Variants in DOCK7 observed in about 807,000 individuals in gnomAD.
The protein encoded by DOCK7 is dedicator of cytokinesis 7.
A neutral mutation model predicts 271.0 loss-of-function variants in DOCK7; 138 were observed. The ratio of observed to expected loss-of-function variants is 0.51; its 90% CI spans 0.44 to 0.59. DOCK7 has a LOEUF of 0.59. Ranked by LOEUF, DOCK7 falls within the 20% of genes least tolerant of loss-of-function variation. The pLI is 0.00. For missense variants in DOCK7, 2,066 were observed against 2,592.4 expected, an observed-to-expected ratio of 0.80 and a Z score of 4.41; for synonymous variants, 823 against 876.1, an observed-to-expected ratio of 0.94 and a Z score of 1.07.
intron 14 of DOCK7, among the ~76,000 whole-genome samples, chr1:62,596,232 T>G (rs2149521680): frequency 6.6e-6 from 1 of 152,198 alleles, no homozygotes; most frequent in Admixed American, 6.6e-5. Flanking sequence ...TACCCCAGCT[T>G]TACAGATGAG....
At chr1:62,615,803 T>A (rs1469450140) in intron 14 of DOCK7, among the ~76,000 whole-genome samples, 2 of 151,782 alleles carry the variant, frequency 1.3e-5, no homozygotes, top group Non-Finnish European at 3.0e-5. Context: ...ATTAATAGAA[T>A]GTCTAGATAC....
At chr1:62,602,807 C>T (rs72641123) in intron 14 of DOCK7, among the ~76,000 whole-genome samples, 1 of 151,404 alleles carries the variant, frequency 6.6e-6, no homozygotes, top group Non-Finnish European at 1.5e-5. Flanking sequence ...GAAACTCAGA[C>T]ATACAGTATA....
At chr1:62,460,087 A>G (rs571515537) in intron 48 of DOCK7, among the ~76,000 whole-genome samples, 125 of 132,192 alleles carry the variant, frequency 9.5e-4, no homozygotes, top group Middle Eastern at 3.9e-3. Context: ...GTGACAGAGC[A>G]AGACTCGTCT....
Position 62,561,721 on chromosome 1 carries a change from T to G in DOCK7, c.2113-18A>C. 3 of 1,426,306 alleles carry G rather than the reference T, an allele frequency of 2.1e-6. No individual in the cohort carries two copies. The highest frequency in any genetic ancestry group is 1.9e-6 in the Non-Finnish European group (2 of 1,080,188). 88.4% of individuals were successfully genotyped at this position (1,426,306 alleles called of 1,614,324 possible). On this transcript the variant is annotated intron_variant, in intron 18 of 49. Transcript: ENST00000635253. ...AGAGGAACCTGTAAGATATTAAATA[T>G]AATGATCACAGATGCTTAAGTAGAT... is the stretch of plus-strand genomic sequence containing the variant.
chr1:62,600,102 T>C (rs561546327), intron 14 of DOCK7, among the ~76,000 whole-genome samples: 111 of 152,010 alleles, frequency 7.3e-4, no homozygotes, highest in African/African-American at 2.6e-3. Context: ...CTTCTTATGA[T>C]GTTATTATTC....
intron 48 of DOCK7, chr1:62,458,164 TGTG>T: frequency 6.2e-6 from 1 of 160,284 alleles, no homozygotes; most frequent in Admixed American, 6.1e-5. Flanking sequence ...TGGGTGTGTG[TGTG>T]TGTGTGTGTG....
chr1:62,576,178 T>C (rs2149479013), intron 18 of DOCK7, among the ~76,000 whole-genome samples: 1 of 152,350 alleles, frequency 6.6e-6, no homozygotes, highest in South Asian at 2.1e-4. Context: ...TCATAGTGTT[T>C]ATACTCTATA....
At chr1:62,489,089 A>G in intron 41 of DOCK7, 24 bp from the exon 42 acceptor site, 1 of 1,543,296 alleles carries the variant, frequency 6.5e-7, no homozygotes, top group Middle Eastern at 2.0e-4. Context: ...TTTTGTTAAG[A>G]TGTTGCTTTC....
At chr1:62,567,143 T>C (rs1362883307) in intron 18 of DOCK7, among the ~76,000 whole-genome samples, 1 of 152,200 alleles carries the variant, frequency 6.6e-6, no homozygotes. Context: ...GTGTGGTGAT[T>C]CCTCAAGGAT....
At chr1:62,641,610 C>T (rs1054319351) in intron 7 of DOCK7, 12 of 469,000 alleles carry the variant, frequency 2.6e-5, no homozygotes, top group African/African-American at 1.6e-4. Flanking sequence ...TGGATGCCCT[C>T]GCAACACATG....
rs117649068 is a variant in DOCK7 at position 62,686,983 on chromosome 1, T to A, written c.38+1244A>T. Among the ~76,000 whole-genome samples, 175 of 152,224 alleles carry A rather than the reference T, an allele frequency of 1.1e-3. 4 individuals are homozygous for A. In the East Asian group the frequency reaches 0.031, roughly 27 times the overall value. On this transcript the variant is annotated intron_variant, in intron 1 of 49. Transcript: ENST00000635253. ...GATGGGGTGGGGGGGACTCGCTATG[T>A]TGCCCAGGCTGGTCTTGAACTCCTG...
At chr1:62,563,602 T>C (rs1276274915) in intron 18 of DOCK7, among the ~76,000 whole-genome samples, 1 of 151,488 alleles carries the variant, frequency 6.6e-6, no homozygotes, top group African/African-American at 2.4e-5. Context: ...GTATAGAAAA[T>C]AAAACCAAAT....
intron 15 of DOCK7, 119 bp downstream of exon 15, chr1:62,586,388 A>T (rs770823277): frequency 1.1e-5 from 7 of 659,964 alleles, no homozygotes; most frequent in Non-Finnish European, 1.8e-5. Flanking sequence ...TAATGCAGTT[A>T]GAAATTTGGT....
intron 22 of DOCK7, among the ~76,000 whole-genome samples, chr1:62,545,646 GCTA>G (rs1000624317): frequency 1.7e-4 from 26 of 152,058 alleles, no homozygotes; most frequent in East Asian, 1.2e-3. Context: ...ATAATAATGG[GCTA>G]CTATTTATTA....
intron 4 of DOCK7, among the ~76,000 whole-genome samples, chr1:62,649,388 CATG>C (rs1557858230): frequency 6.6e-6 from 1 of 152,120 alleles, no homozygotes; most frequent in Non-Finnish European, 1.5e-5. Flanking sequence ...ATAGCAATTA[CATG>C]ATATTAACAT....
intron 4 of DOCK7, among the ~76,000 whole-genome samples, chr1:62,651,155 T>G (rs1186778159): frequency 1.3e-5 from 2 of 151,734 alleles, no homozygotes; most frequent in Non-Finnish European, 2.9e-5. Flanking sequence ...GGGACATGGA[T>G]GAAGCTGGAA....
At chr1:62,546,244 G>C (rs1048911874) in intron 22 of DOCK7, among the ~76,000 whole-genome samples, 2 of 152,010 alleles carry the variant, frequency 1.3e-5, no homozygotes, top group South Asian at 4.1e-4. Context: ...CTGTGAGTGC[G>C]GCCCAGACAT....
intron 29 of DOCK7, among the ~76,000 whole-genome samples, chr1:62,533,855 C>T (rs958406268): frequency 4.6e-5 from 7 of 151,970 alleles, no homozygotes; most frequent in South Asian, 2.1e-4. Flanking sequence ...TATCTCTTTT[C>T]GTTCTTGCAT....
At chr1:62,670,805 T>G (rs760355169) in intron 1 of DOCK7, among the ~76,000 whole-genome samples, 10 of 152,066 alleles carry the variant, frequency 6.6e-5, no homozygotes, top group African/African-American at 2.4e-4. Context: ...TGGGGCCAGA[T>G]AAGAGAATAA....
Sources: allele counts gnomAD v4.1 joint callset (sites outside exome capture counted in the v4.1 genomes callset), GRCh38; gene constraint gnomAD v4.1.1; transcripts MANE v1.5; gene names NCBI Gene and HGNC (gene_info 2026-07-23, HGNC 2026-07-21).